The following OSTN variants were observed in gnomAD, a reference collection of about 807,000 sequenced individuals.
The protein encoded by OSTN is osteocrin.
OSTN carries 9 observed loss-of-function variants against 12.0 expected under a neutral mutation model. That is an observed-to-expected ratio of 0.75 (90% CI 0.45 to 1.30). The LOEUF (loss-of-function observed/expected upper bound fraction) is 1.30, where lower values mean the gene tolerates loss of function less well. OSTN is among the 50% of genes most tolerant of loss of function. The pLI is 0.00. For missense variants in OSTN, 148 were observed against 152.3 expected (o/e 0.97, Z 0.15); for synonymous variants, 59 against 56.9 (o/e 1.04, Z -0.16).
At chr3:191,240,072 T>C (rs905611276) in intron 3 of OSTN, among the ~76,000 whole-genome samples, 2 of 152,226 alleles carry the variant, frequency 1.3e-5, no homozygotes, top group Non-Finnish European at 2.9e-5. Flanking sequence ...TCTCTACTGT[T>C]TCTGAATGTA....
chr3:191,250,127 T>C lies in OSTN; in HGVS notation c.*6T>C. 2.5e-6 allele frequency: 4 copies of C among 1,595,900 alleles called. No homozygotes were observed. The highest frequency in any genetic ancestry group is 3.4e-6 in the Non-Finnish European group (4 of 1,163,516). On this transcript the variant is annotated 3_prime_UTR_variant, in exon 4 of 5. Transcript: ENST00000682035. ...TTTCAAATTCCAGAGGCTAATTGAT[T>C]CCAATTGTGAGTACAATTTGAATAA...
At chr3:191,218,658 C>T (rs1375425456) in intron 2 of OSTN, 89 bp from the exon 3 acceptor site, 1 of 1,028,828 alleles carries the variant, frequency 9.7e-7, no homozygotes, top group Non-Finnish European at 1.4e-6. Flanking sequence ...ATGAGTATGT[C>T]AGCTAACAGT....
chr3:191,207,029 G>A (rs1055000880), intron 1 of OSTN, among the ~76,000 whole-genome samples: 2 of 152,116 alleles, frequency 1.3e-5, no homozygotes, highest in Non-Finnish European at 2.9e-5. Context: ...GGCACGCATG[G>A]TCATTTCATG....
At chr3:191,244,375 A>C (rs1484154458) in intron 3 of OSTN, among the ~76,000 whole-genome samples, 1 of 151,760 alleles carries the variant, frequency 6.6e-6, no homozygotes, top group African/African-American at 2.4e-5. Context: ...TTACTTACAG[A>C]ATATTTCAGA....
In OSTN at chr3:191,251,457, T is replaced by C. The variant is rs75983913; in HGVS notation, c.*12+1324T>C. Among the ~76,000 whole-genome samples the C allele has an allele frequency of 0.018, 2,773 of 152,288 alleles. 184 individuals are homozygous for C. In the East Asian group the frequency reaches 0.23, roughly 13 times the overall value. On this transcript the variant is annotated intron_variant, in intron 4 of 4. Transcript: ENST00000682035. ...CAGAGGGAATTTTGCCTTCTGCTTC[T>C]CTCGAGATAATCCTTAGACCAATAA...
At chr3:191,230,480 C>A in intron 3 of OSTN, among the ~76,000 whole-genome samples, 1 of 143,784 alleles carries the variant, frequency 7.0e-6, no homozygotes, top group South Asian at 2.3e-4. Flanking sequence ...AGGGAAATCG[C>A]TTGAACGTGG....
intron 3 of OSTN, among the ~76,000 whole-genome samples, chr3:191,222,979 TC>T (rs1457157838): frequency 2.0e-5 from 3 of 152,122 alleles, no homozygotes; most frequent in Non-Finnish European, 4.4e-5. Flanking sequence ...TCCTGAGGCT[TC>T]CCCAGCCCTG....
At chr3:191,236,202 C>G (rs533991340) in intron 3 of OSTN, among the ~76,000 whole-genome samples, 1 of 152,152 alleles carries the variant, frequency 6.6e-6, no homozygotes, top group Non-Finnish European at 1.5e-5. Context: ...TACTTTCTCT[C>G]TTTCTGTCTC....
chr3:191,244,630 A>G (rs1427605646), intron 3 of OSTN, among the ~76,000 whole-genome samples: 3 of 148,080 alleles, frequency 2.0e-5, no homozygotes, highest in Non-Finnish European at 4.5e-5. Context: ...TATATAATAT[A>G]TATATTTCAT....
rs529711239 is a variant in OSTN at position 191,264,347 on chromosome 3, G to T, written c.*1494G>T. On this transcript the variant is annotated 3_prime_UTR_variant, in exon 5 of 5. Transcript: ENST00000682035. ...TTTTTAAAGATAAAGTTTAAAAGAG[G>T]CAAAAAGAGGTGAAAGAAATGAACA... is the stretch of plus-strand genomic sequence containing the variant. 6.6e-6 allele frequency: 1 copy of T among 151,958 alleles called. No homozygotes were observed. Among genetic ancestry groups the T allele is most frequent in the Non-Finnish European group, 1.5e-5 (1 of 67,914 alleles). The allele number at this position is 151,958 out of a possible 1,614,324, so 9.4% of individuals were successfully genotyped here.
intron 4 of OSTN, among the ~76,000 whole-genome samples, chr3:191,260,008 T>C (rs1715770589): frequency 6.8e-6 from 1 of 147,502 alleles, no homozygotes; most frequent in Non-Finnish European, 1.5e-5. Context: ...GCACACACCA[T>C]GCCCGGCTAA....
At chr3:191,257,761 A>T (rs1715704164) in intron 4 of OSTN, among the ~76,000 whole-genome samples, 1 of 151,814 alleles carries the variant, frequency 6.6e-6, no homozygotes, top group Non-Finnish European at 1.5e-5. Flanking sequence ...CAATAATTTT[A>T]AAACTATCTT....
At chr3:191,259,723 G>A (rs1324448728) in intron 4 of OSTN, among the ~76,000 whole-genome samples, 1 of 151,882 alleles carries the variant, frequency 6.6e-6, no homozygotes, top group Non-Finnish European at 1.5e-5. Context: ...CACAAGGCAG[G>A]ATGGCTTTTA....
intron 3 of OSTN, among the ~76,000 whole-genome samples, chr3:191,228,518 TTA>T (rs757516293): frequency 5.9e-5 from 9 of 152,208 alleles, no homozygotes; most frequent in Non-Finnish European, 8.8e-5. Flanking sequence ...GAGTGCAGTA[TTA>T]TCTTATTAGA....
At chr3:191,262,804 G>T (rs1315048359) in intron 4 of OSTN, 62 bp from the exon 5 acceptor site, 3 of 694,594 alleles carry the variant, frequency 4.3e-6, no homozygotes, top group Non-Finnish European at 7.9e-6. Flanking sequence ...GAAGTTGATG[G>T]ACTTCCACCT....
chr3:191,233,851 G>C (rs1206993047), intron 3 of OSTN, among the ~76,000 whole-genome samples: 3 of 152,020 alleles, frequency 2.0e-5, no homozygotes, highest in Non-Finnish European at 4.4e-5. Flanking sequence ...AAATTTGCTG[G>C]GTGTGGCGGC....
Position 191,250,147 on chromosome 3 carries a change from G to C in OSTN, c.*12+14G>C. 6.5e-7 allele frequency: 1 copy of C among 1,540,310 alleles called. No homozygotes were observed. The highest frequency in any genetic ancestry group is 1.7e-4 in the Middle Eastern group (1 of 5,914). On this transcript the variant is annotated intron_variant, in intron 4 of 4. Coordinates refer to ENST00000682035, the MANE Select transcript of OSTN (RefSeq NM_198184.2). Reference sequence around the variant, plus strand: ...TTGATTCCAATTGTGAGTACAATTTGAATAAGTAACAGTATATGCAGGTAT... The same window carrying C: ...TTGATTCCAATTGTGAGTACAATTTCAATAAGTAACAGTATATGCAGGTAT...
intron 1 of OSTN, among the ~76,000 whole-genome samples, chr3:191,211,028 T>G (rs1714405056): frequency 6.6e-6 from 1 of 152,220 alleles, no homozygotes; most frequent in Non-Finnish European, 1.5e-5. Flanking sequence ...TTAACATGTG[T>G]AAGATTTTTA....
At chr3:191,259,945 C>T (rs1715768084) in intron 4 of OSTN, among the ~76,000 whole-genome samples, 1 of 149,974 alleles carries the variant, frequency 6.7e-6, no homozygotes, top group Admixed American at 6.7e-5. Flanking sequence ...ACCTCCACCT[C>T]CCCGGTTCAA....
Sources: gnomAD v4.1 joint callset for allele counts (sites outside exome capture counted in the v4.1 genomes callset) on GRCh38, gnomAD v4.1.1 for gene constraint, MANE v1.5 for transcripts, NCBI Gene and HGNC (gene_info 2026-07-23, HGNC 2026-07-21) for gene names.